The following ABHD6 variants were observed in gnomAD, a reference collection of about 807,000 sequenced individuals.
ABHD6 encodes the protein abhydrolase domain containing 6, acylglycerol lipase, also known as monoacylglycerol lipase ABHD6.
In ABHD6, 33 loss-of-function variants were observed where a neutral mutation model predicts 38.8. That is an observed-to-expected ratio of 0.85 (90% confidence interval 0.64 to 1.14). ABHD6 has a LOEUF of 1.14. ABHD6 is among the 50% of genes most tolerant of loss of function. The probability of loss-of-function intolerance (pLI) is 0.00; values close to 1 mark genes in which losing one functional copy is unlikely to be tolerated. For synonymous variants in ABHD6, 147 were observed against 161.6 expected (o/e 0.91, Z 0.69); for missense variants, 380 against 422.6 (o/e 0.90, Z 0.88).
chr3:58,255,082 G>A (rs2097432403), intron 2 of ABHD6, among the ~76,000 whole-genome samples: 1 of 152,126 alleles, frequency 6.6e-6, no homozygotes, highest in Non-Finnish European at 1.5e-5. Context: ...GGACAGGGCA[G>A]GGCCTCTGAT....
chr3:58,256,345 GT>G lies in ABHD6; in HGVS notation c.-25-205del, dbSNP rs10574237. 0.025 allele frequency among the ~76,000 whole-genome samples: 3,722 copies of G among 150,656 alleles called. 146 individuals carry two copies. Among genetic ancestry groups the G allele is most frequent in the African/African-American group, 0.084 (3,446 of 41,214 alleles). ...TTGTCCCAACTATGTCCTTTATAAT[GT>G]TTTTTTTTTTTACAAATCCAGGCTC... is the stretch of plus-strand genomic sequence containing the variant. On this transcript the variant is annotated intron_variant, in intron 2 of 9. Transcript: ENST00000478253. The surrounding 1 kb of genome is among the most constrained non-coding windows in gnomAD (Gnocchi z 4.3).
intron 3 of ABHD6, among the ~76,000 whole-genome samples, chr3:58,264,419 A>AGTG (rs2097439393): frequency 7.1e-6 from 1 of 141,842 alleles, no homozygotes; most frequent in South Asian, 2.2e-4. Flanking sequence ...ACACACACAC[A>AGTG]CACACACACA....
intron 1 of ABHD6, among the ~76,000 whole-genome samples, chr3:58,247,997 A>C (rs765687652): frequency 6.6e-5 from 10 of 152,228 alleles, no homozygotes; most frequent in African/African-American, 1.4e-4. Flanking sequence ...AGTGCTAACC[A>C]TAATCATGGC....
At chr3:58,276,542 A>C (rs2097448864) in intron 7 of ABHD6, among the ~76,000 whole-genome samples, 1 of 151,942 alleles carries the variant, frequency 6.6e-6, no homozygotes, top group African/African-American at 2.4e-5. Context: ...AGATTGCAAA[A>C]ATTTTCTCCC....
intron 6 of ABHD6, among the ~76,000 whole-genome samples, 197 bp from the exon 7 acceptor site, chr3:58,274,461 G>A (rs2097447280): frequency 1.3e-5 from 2 of 152,210 alleles, no homozygotes; most frequent in Non-Finnish European, 2.9e-5. Context: ...CCTGAAATAT[G>A]TGGAAGGATT....
At position 58,267,669 on chromosome 3, in the gene ABHD6, A is replaced by G. The variant is rs913051171; in HGVS notation, c.276+324A>G. Reference sequence around the variant, plus strand: ...ACAGAATAAGACTCTGTCTCAAAAAAAATAAAAATAAAAAAAGGAAGAAGA... The same window carrying G: ...ACAGAATAAGACTCTGTCTCAAAAAGAATAAAAATAAAAAAAGGAAGAAGA... On this transcript the variant is annotated intron_variant, in intron 4 of 9. Coordinates refer to ENST00000478253, the MANE Select transcript of ABHD6 (RefSeq NM_001320126.2). This position sits in a 1 kb window ranked among gnomAD's most constrained non-coding sequence, Gnocchi z 4.3. Among the ~76,000 whole-genome samples, 3 of 152,092 alleles carry G rather than the reference A, an allele frequency of 2.0e-5. No homozygotes were observed. Among genetic ancestry groups the G allele is most frequent in the African/African-American group, 7.2e-5 (3 of 41,398 alleles).
chr3:58,270,901 A>G (rs1307767516), intron 5 of ABHD6, 31 bp from the exon 6 acceptor site: 5 of 1,580,914 alleles, frequency 3.2e-6, no homozygotes, highest in Non-Finnish European at 3.4e-6. Context: ...ACAGCTGTAT[A>G]ACCAAGCTGC....
At position 58,265,852 on chromosome 3, in the gene ABHD6, T is replaced by G. The variant is rs538351415; in HGVS notation, c.120-1337T>G. 3.9e-5 allele frequency among the ~76,000 whole-genome samples: 6 copies of G among 152,186 alleles called. No individual in the cohort carries two copies. Among genetic ancestry groups the G allele is most frequent in the Non-Finnish European group, 7.4e-5 (5 of 68,026 alleles). On this transcript the variant is annotated intron_variant, in intron 3 of 9. Coordinates refer to ENST00000478253, the MANE Select transcript of ABHD6 (RefSeq NM_001320126.2). The surrounding 1 kb of genome is among the most constrained non-coding windows in gnomAD (Gnocchi z 4.2). The stretch of plus-strand genomic sequence containing the variant: ...CAAGAGGGGACCAGACTCACTTTTA[T>G]CAGGAATCTACTCCCTCAATAATAG...
At chr3:58,250,640 C>T (rs577145527) in intron 2 of ABHD6, among the ~76,000 whole-genome samples, 6 of 152,250 alleles carry the variant, frequency 3.9e-5, no homozygotes, top group African/African-American at 1.2e-4. Context: ...CAAAGTCCTA[C>T]ACCTGGTGAA....
intron 5 of ABHD6, among the ~76,000 whole-genome samples, chr3:58,270,174 A>G (rs966859317): frequency 2.6e-5 from 4 of 152,112 alleles, no homozygotes; most frequent in African/African-American, 9.7e-5. Flanking sequence ...GGTTGGATGG[A>G]TGGATGGTTG....
chr3:58,273,138 C>A lies in ABHD6; in HGVS notation c.524-1520C>A, dbSNP rs951722920. Among the ~76,000 whole-genome samples, 1 of 152,106 alleles carries A rather than the reference C, an allele frequency of 6.6e-6. No individual in the cohort carries two copies. The highest frequency in any genetic ancestry group is 1.5e-5 in the Non-Finnish European group (1 of 68,028). ...GATAATGTCATCTGCTTCATGGCAT[C>A]GTGAAAGCCATACATCATACCCATG... On this transcript the variant is annotated intron_variant, in intron 6 of 9. Coordinates refer to ENST00000478253, the MANE Select transcript of ABHD6 (RefSeq NM_001320126.2). This position sits in a 1 kb window ranked among gnomAD's most constrained non-coding sequence, Gnocchi z 4.8.
At chr3:58,244,769 C>CA (rs1045942020) in intron 1 of ABHD6, among the ~76,000 whole-genome samples, 13 of 151,002 alleles carry the variant, frequency 8.6e-5, no homozygotes, top group South Asian at 2.1e-4. Context: ...AAAAAAAAAG[C>CA]AAAAAAAAGC....
At chr3:58,258,290 A>G (rs2097434704) in intron 3 of ABHD6, 5 of 376,786 alleles carry the variant, frequency 1.3e-5, no homozygotes, top group Non-Finnish European at 2.1e-5. Flanking sequence ...CTGGGCAACA[A>G]GAGCAGAACT....
chr3:58,247,072 T>C (rs1171505868), intron 1 of ABHD6, among the ~76,000 whole-genome samples: 1 of 151,056 alleles, frequency 6.6e-6, no homozygotes, highest in African/African-American at 2.4e-5. Context: ...AGCCTTACTC[T>C]GTCACCCAGG....
At chr3:58,243,454 C>CT (rs2097424206) in intron 1 of ABHD6, among the ~76,000 whole-genome samples, 1 of 151,920 alleles carries the variant, frequency 6.6e-6, no homozygotes, top group Non-Finnish European at 1.5e-5. Flanking sequence ...TGAGGAAAGT[C>CT]TAAGTGAAGG....
intron 3 of ABHD6, among the ~76,000 whole-genome samples, chr3:58,260,307 A>G (rs1175976642): frequency 1.3e-5 from 2 of 152,162 alleles, no homozygotes; most frequent in African/African-American, 2.4e-5. Flanking sequence ...GACAAACACA[A>G]TGCTCTTTAT....
At chr3:58,262,011 G>A (rs1314185496) in intron 3 of ABHD6, among the ~76,000 whole-genome samples, 1 of 152,166 alleles carries the variant, frequency 6.6e-6, no homozygotes, top group Non-Finnish European at 1.5e-5. Flanking sequence ...CCTTAAAAAG[G>A]AATGACACTC....
rs932084009 is a variant in ABHD6 at position 58,257,050 on chromosome 3, G to A, written c.119+345G>A. On this transcript the variant is annotated intron_variant, in intron 3 of 9. Coordinates refer to ENST00000478253, the MANE Select transcript of ABHD6 (RefSeq NM_001320126.2). This position sits in a 1 kb window ranked among gnomAD's most constrained non-coding sequence, Gnocchi z 4.8. ...TCCAAGTAGCTGAGATTTTACAGGT[G>A]TATGCCACCACGCCCGGCTAATTTT... Among the ~76,000 whole-genome samples the A allele has an allele frequency of 6.6e-6, 1 of 152,014 alleles. No individual in the cohort carries two copies. The highest frequency in any genetic ancestry group is 1.5e-5 in the Non-Finnish European group (1 of 68,002).
rs1178550929 is a variant in ABHD6 at position 58,286,577 on chromosome 3, G to C, written c.837+1124G>C. 5.3e-5 allele frequency among the ~76,000 whole-genome samples: 8 copies of C among 151,882 alleles called. No homozygotes were observed. In the East Asian group the frequency reaches 9.7e-4, roughly 18 times the overall value. ...ACAGTTGAGTAACTGTGACCTTATA[G>C]TATAAAAGCAGCCATAGGCAATATG... On this transcript the variant is annotated intron_variant, in intron 9 of 9. Coordinates refer to ENST00000478253, the MANE Select transcript of ABHD6 (RefSeq NM_001320126.2).
Sources: gnomAD v4.1 joint callset for allele counts (sites outside exome capture counted in the v4.1 genomes callset) on GRCh38, gnomAD v4.1.1 for gene constraint, Gnocchi (gnomAD v3.1) non-coding constraint, MANE v1.5 for transcripts, NCBI Gene and HGNC (gene_info 2026-07-23, HGNC 2026-07-21) for gene names.